The following GRM7 variants were observed in gnomAD, a reference collection of about 807,000 sequenced individuals.
GRM7 encodes metabotropic glutamate receptor 7.
In GRM7, 35 loss-of-function variants were observed where a neutral mutation model predicts 84.5. The ratio of observed to expected loss-of-function variants is 0.41; its 90% CI spans 0.32 to 0.55. The LOEUF is 0.55. GRM7 is among the 20% of genes least tolerant of loss of function. The pLI, the probability that GRM7 is intolerant of heterozygous loss-of-function variation, is 0.19. For missense variants in GRM7, 1,003 were observed against 1,194.6 expected (o/e 0.84, Z 2.36); for synonymous variants, 487 against 455.1 (o/e 1.07, Z -0.89).
In GRM7 at chr3:7,713,489, C is replaced by G. The variant is rs539291847; in HGVS notation, c.2699-26868C>G. ...ACACAATCCAATCTATAATGTGGCC[C>G]CTGTCAAACTCCAAGTAGTATTAAG... On this transcript the variant is annotated intron_variant, in intron 9 of 9. Transcript: ENST00000357716. 2.0e-4 allele frequency among the ~76,000 whole-genome samples: 31 copies of G among 151,972 alleles called. 2 individuals are homozygous for G. The South Asian group carries it at 4.8e-3, about 23-fold the overall frequency.
chr3:7,309,367 C>T (rs1700310846), intron 4 of GRM7, among the ~76,000 whole-genome samples: 1 of 152,182 alleles, frequency 6.6e-6, no homozygotes, highest in Non-Finnish European at 1.5e-5. Context: ...TCCTGTCCTT[C>T]CCTACAGTCA....
chr3:7,732,141 G>T (rs929541434), intron 9 of GRM7, among the ~76,000 whole-genome samples: 1 of 152,070 alleles, frequency 6.6e-6, no homozygotes, highest in African/African-American at 2.4e-5. Flanking sequence ...CGCCTCCCAG[G>T]TTCACGCCAT....
rs1693977036 is a variant in GRM7 at position 7,367,978 on chromosome 3, T to TA, written c.1034-47044dup. Among the ~76,000 whole-genome samples, 5 of 148,862 alleles carry TA rather than the reference T, an allele frequency of 3.4e-5. No individual in the cohort carries two copies. In the South Asian group the frequency reaches 6.3e-4, roughly 19 times the overall value. On this transcript the variant is annotated intron_variant, in intron 4 of 9. Transcript: ENST00000357716. Reference sequence around the variant, plus strand: ...AGAAAAAATCAACAACAACAACAACTACACAGACAATGAAAAATACAATGA... The same window carrying TA: ...AGAAAAAATCAACAACAACAACAACTAACACAGACAATGAAAAATACAATGA...
At chr3:7,123,233 T>C (rs955999787) in intron 1 of GRM7, among the ~76,000 whole-genome samples, 2 of 152,262 alleles carry the variant, frequency 1.3e-5, no homozygotes, top group Non-Finnish European at 2.9e-5. Context: ...TTAAGCTGCC[T>C]TGATGAGGGT....
At chr3:6,994,978 G>A (rs1043993297) in intron 1 of GRM7, among the ~76,000 whole-genome samples, 2 of 152,136 alleles carry the variant, frequency 1.3e-5, no homozygotes, top group Non-Finnish European at 2.9e-5. Flanking sequence ...CCTGTAATTA[G>A]TCAGAATCAC....
chr3:7,722,380 A>C (rs529196160), intron 9 of GRM7, among the ~76,000 whole-genome samples: 1 of 152,284 alleles, frequency 6.6e-6, no homozygotes, highest in South Asian at 2.1e-4. Context: ...CAGATGAGAA[A>C]ATCAAGGCAT....
intron 1 of GRM7, among the ~76,000 whole-genome samples, chr3:6,917,658 A>G (rs1696988672): frequency 6.6e-6 from 1 of 152,108 alleles, no homozygotes; most frequent in African/African-American, 2.4e-5. Flanking sequence ...GTTCCCAAAG[A>G]CAATCTTTCC....
At chr3:6,956,654 C>G (rs1209826246) in intron 1 of GRM7, 2 of 456,570 alleles carry the variant, frequency 4.4e-6, no homozygotes, top group Non-Finnish European at 8.8e-6. Context: ...TGCATGTTTA[C>G]CTGCTCAGTA....
intron 9 of GRM7, among the ~76,000 whole-genome samples, chr3:7,717,058 T>C (rs955593477): frequency 6.6e-6 from 1 of 152,180 alleles, no homozygotes; most frequent in Non-Finnish European, 1.5e-5. Flanking sequence ...ACAAAGACTG[T>C]AAGTGTGGAA....
intron 2 of GRM7, among the ~76,000 whole-genome samples, chr3:7,155,064 T>C (rs1172270908): frequency 6.6e-6 from 1 of 152,060 alleles, no homozygotes; most frequent in Non-Finnish European, 1.5e-5. Flanking sequence ...AGCTAAAAAT[T>C]TCAGAGTAGT....
chr3:7,723,330 C>T (rs935866880), intron 9 of GRM7, among the ~76,000 whole-genome samples: 1 of 152,136 alleles, frequency 6.6e-6, no homozygotes, highest in African/African-American at 2.4e-5. Flanking sequence ...CTAGTCTCTC[C>T]AGACTCAACA....
At chr3:7,467,367 G>A (rs1698503527) in intron 7 of GRM7, among the ~76,000 whole-genome samples, 1 of 152,160 alleles carries the variant, frequency 6.6e-6, no homozygotes, top group Non-Finnish European at 1.5e-5. Flanking sequence ...GATTACAGGC[G>A]TGAGCCACCA....
chr3:7,106,708 C>T (rs955385212), intron 1 of GRM7, among the ~76,000 whole-genome samples: 1 of 152,000 alleles, frequency 6.6e-6, no homozygotes, highest in South Asian at 2.1e-4. Context: ...CCTAGTTCCA[C>T]CTGCATTTGT....
At chr3:7,488,568 C>T (rs993266034) in intron 7 of GRM7, among the ~76,000 whole-genome samples, 1 of 152,200 alleles carries the variant, frequency 6.6e-6, no homozygotes, top group African/African-American at 2.4e-5. Context: ...TCTCTTTACA[C>T]ATTCCTGCTT....
At chr3:7,528,829 A>T (rs1700912867) in intron 7 of GRM7, among the ~76,000 whole-genome samples, 1 of 151,838 alleles carries the variant, frequency 6.6e-6, no homozygotes, top group Non-Finnish European at 1.5e-5. Context: ...TGGTTTTGAG[A>T]GTGCCTTTTG....
intron 2 of GRM7, among the ~76,000 whole-genome samples, chr3:7,210,613 A>C (rs936443456): frequency 6.6e-6 from 1 of 152,182 alleles, no homozygotes; most frequent in Admixed American, 6.5e-5. Flanking sequence ...CTTCAAAAAT[A>C]AAAGAAATGT....
chr3:7,494,497 C>G (rs1312335242), intron 7 of GRM7, among the ~76,000 whole-genome samples: 1 of 152,130 alleles, frequency 6.6e-6, no homozygotes, highest in African/African-American at 2.4e-5. Context: ...AGGTTTGTGT[C>G]TGTAAAATTT....
intron 1 of GRM7, among the ~76,000 whole-genome samples, chr3:7,123,827 T>C (rs1436944087): frequency 1.3e-5 from 2 of 152,206 alleles, no homozygotes; most frequent in Non-Finnish European, 2.9e-5. Context: ...GCCTCATTGA[T>C]AAAATCTTTC....
chr3:7,458,268 T>C (rs1698101423), intron 6 of GRM7, among the ~76,000 whole-genome samples: 1 of 152,170 alleles, frequency 6.6e-6, no homozygotes, highest in East Asian at 1.9e-4. Flanking sequence ...ACCCTATTTC[T>C]TTTGCCCTAG....
Sources: allele counts gnomAD v4.1 joint callset (sites outside exome capture counted in the v4.1 genomes callset), GRCh38; gene constraint gnomAD v4.1.1; transcripts MANE v1.5; gene names NCBI Gene and HGNC (gene_info 2026-07-23, HGNC 2026-07-21).